The following GPR149 variants were observed in gnomAD, a reference collection of about 807,000 sequenced individuals.
The protein encoded by GPR149 is probable G protein-coupled receptor 149.
In GPR149, 50 loss-of-function variants were observed where a neutral mutation model predicts 50.2. The observed-to-expected ratio is 1.00, with a 90% CI of 0.79 to 1.26. The LOEUF (loss-of-function observed/expected upper bound fraction) is 1.26, where lower values mean the gene tolerates loss of function less well. GPR149 is among the 50% of genes most tolerant of loss of function. GPR149 has a pLI of 0.00. For missense variants in GPR149, 983 were observed against 895.4 expected (o/e 1.10, Z -1.25); for synonymous variants, 405 against 358.2 (o/e 1.13, Z -1.48).
chr3:154,407,668 T>C (rs1179697158), intron 3 of GPR149, among the ~76,000 whole-genome samples: 1 of 134,642 alleles, frequency 7.4e-6, no homozygotes, highest in African/African-American at 2.8e-5. Flanking sequence ...TATATATATG[T>C]TCATGTGTGT....
chr3:154,348,900 A>T (rs1160495998), intron 3 of GPR149, among the ~76,000 whole-genome samples: 1 of 152,162 alleles, frequency 6.6e-6, no homozygotes, highest in East Asian at 1.9e-4. Context: ...ACCCTAGGGA[A>T]TTTAAAGGAA....
rs142359361 is a variant in GPR149, at chr3:154,426,164, T to A, written c.1174+1352A>T. Reference sequence around the variant, plus strand: ...CTGTCACTGTTGTTCTGGATATTAATCTTTAGAGACACATCATTATTATAA... The same window carrying A: ...CTGTCACTGTTGTTCTGGATATTAAACTTTAGAGACACATCATTATTATAA... On this transcript the variant is annotated intron_variant, in intron 2 of 3. Transcript: ENST00000389740. Among the ~76,000 whole-genome samples the A allele has an allele frequency of 2.0e-4, 30 of 152,316 alleles. No individual in the cohort carries two copies. The East Asian group carries it at 5.8e-3, about 29-fold the overall frequency.
At chr3:154,428,511 AC>A in intron 1 of GPR149, 123 bp downstream of exon 1, 4 of 1,094,572 alleles carry the variant, frequency 3.7e-6, no homozygotes, top group Non-Finnish European at 5.3e-6. Context: ...CCAGCGAGAT[AC>A]ACTTGGAAGC....
chr3:154,408,112 C>A (rs149880871), intron 3 of GPR149, among the ~76,000 whole-genome samples: 4 of 151,996 alleles, frequency 2.6e-5, no homozygotes, highest in Non-Finnish European at 5.9e-5. Context: ...AATAGGTAAA[C>A]GAAGGAGAAG....
At chr3:154,356,880 C>A (rs888867889) in intron 3 of GPR149, among the ~76,000 whole-genome samples, 2 of 152,128 alleles carry the variant, frequency 1.3e-5, no homozygotes, top group East Asian at 3.8e-4. Context: ...CCAAGTCAAT[C>A]CTAAGACAAA....
intron 2 of GPR149, among the ~76,000 whole-genome samples, chr3:154,426,007 C>T (rs557690270): frequency 1.1e-4 from 16 of 152,130 alleles, no homozygotes; most frequent in Non-Finnish European, 2.2e-4. Context: ...GTTGTAAGAC[C>T]GGGCTCGTTC....
intron 3 of GPR149, among the ~76,000 whole-genome samples, chr3:154,372,581 T>A (rs1274847895): frequency 6.6e-6 from 1 of 152,102 alleles, no homozygotes; most frequent in Non-Finnish European, 1.5e-5. Context: ...GTATTGGGGA[T>A]TAAGTTTCAA....
intron 3 of GPR149, among the ~76,000 whole-genome samples, chr3:154,340,193 G>C (rs1178769040): frequency 6.6e-6 from 1 of 152,158 alleles, no homozygotes; most frequent in Non-Finnish European, 1.5e-5. Context: ...GAGTGGTCTT[G>C]AATTCTCTTT....
intron 3 of GPR149, among the ~76,000 whole-genome samples, chr3:154,363,440 A>G (rs576590130): frequency 6.6e-6 from 1 of 152,218 alleles, no homozygotes; most frequent in Non-Finnish European, 1.5e-5. Flanking sequence ...TGCTTCTAAG[A>G]TGCTGTCCCA....
intron 3 of GPR149, among the ~76,000 whole-genome samples, chr3:154,347,024 C>T (rs1713946405): frequency 6.6e-6 from 1 of 152,130 alleles, no homozygotes; most frequent in Admixed American, 6.5e-5. Flanking sequence ...TTCCTAAGCA[C>T]TGTCTATGCA....
rs72998630 is a variant in GPR149 at position 154,354,401 on chromosome 3, C to T, written c.1624-16130G>A. On this transcript the variant is annotated intron_variant, in intron 3 of 3. Coordinates refer to ENST00000389740, the MANE Select transcript of GPR149 (RefSeq NM_001038705.3). ...GTAGATTCTGCTTTCTAAGGCTATACAAAATAAGTCTCATTCTTTTGTTGA... is the reference window on the plus strand; with the variant it reads ...GTAGATTCTGCTTTCTAAGGCTATATAAAATAAGTCTCATTCTTTTGTTGA... 5.7e-3 allele frequency among the ~76,000 whole-genome samples: 870 copies of T among 152,298 alleles called. 12 individuals carry two copies. The highest frequency in any genetic ancestry group is 0.02 in the African/African-American group (811 of 41,554).
At chr3:154,420,565 G>A (rs1412285523) in intron 3 of GPR149, among the ~76,000 whole-genome samples, 1 of 151,926 alleles carries the variant, frequency 6.6e-6, no homozygotes, top group South Asian at 2.1e-4. Flanking sequence ...TAGTAAGACT[G>A]ATAGGCAAGC....
intron 3 of GPR149, among the ~76,000 whole-genome samples, chr3:154,392,080 T>C (rs1715184759): frequency 6.6e-6 from 1 of 151,614 alleles, no homozygotes; most frequent in Non-Finnish European, 1.5e-5. Context: ...GACTTCAATA[T>C]CTCACTTTTA....
At chr3:154,361,068 T>A (rs1714367803) in intron 3 of GPR149, among the ~76,000 whole-genome samples, 2 of 152,164 alleles carry the variant, frequency 1.3e-5, no homozygotes, top group South Asian at 4.1e-4. Flanking sequence ...TTTCTAAAAT[T>A]GATTTAGAAG....
At chr3:154,361,341 CT>C (rs1714374795) in intron 3 of GPR149, among the ~76,000 whole-genome samples, 1 of 152,080 alleles carries the variant, frequency 6.6e-6, no homozygotes, top group Non-Finnish European at 1.5e-5. Flanking sequence ...CTTCTTATTC[CT>C]GGGGAGAGAA....
At chr3:154,349,426 G>A (rs1714014532) in intron 3 of GPR149, among the ~76,000 whole-genome samples, 1 of 152,180 alleles carries the variant, frequency 6.6e-6, no homozygotes, top group Admixed American at 6.5e-5. Context: ...TGCAGAGTCT[G>A]CAGCCATCGA....
intron 3 of GPR149, among the ~76,000 whole-genome samples, chr3:154,394,390 T>C (rs977567756): frequency 5.9e-5 from 9 of 151,990 alleles, no homozygotes; most frequent in Non-Finnish European, 1.2e-4. Context: ...GGACCCTTGC[T>C]CAAAATGGTT....
Position 154,337,973 on chromosome 3 carries a change from C to G in GPR149, c.1922G>C (p.Ser641Thr). ...AGATCTGACTTGTGTGGAGGACTGA[C>G]TGATGTTACTAATGATTGACACAGT... ...LDTVSIISNI[S>T]QSSTQVRSPS... Residue 641 changes from serine to threonine, a missense_variant, in exon 4 of 4, where the codon AGT becomes ACT. By Grantham distance (58) the Ser-to-Thr change is moderately conservative. Transcript: ENST00000389740. The G allele has an allele frequency of 6.2e-7, 1 of 1,614,072 alleles. No individual in the cohort carries two copies. Among genetic ancestry groups the G allele is most frequent in the Non-Finnish European group, 8.5e-7 (1 of 1,179,982 alleles).
At chr3:154,366,216 T>C (rs570241636) in intron 3 of GPR149, among the ~76,000 whole-genome samples, 82 of 152,280 alleles carry the variant, frequency 5.4e-4, no homozygotes, top group African/African-American at 1.8e-3. Context: ...TCTCTTCCTG[T>C]TGGAGTTTAG....
Sources: gnomAD v4.1 joint callset for allele counts (sites outside exome capture counted in the v4.1 genomes callset) on GRCh38, gnomAD v4.1.1 for gene constraint, MANE v1.5 for transcripts, NCBI Gene and HGNC (gene_info 2026-07-23, HGNC 2026-07-21) for gene names.